The following GTF2IRD2B variants were observed in gnomAD, a reference collection of about 807,000 sequenced individuals.
GTF2IRD2B encodes the protein GTF2I repeat domain containing 2B.
GTF2IRD2B carries 10 observed loss-of-function variants against 55.6 expected under a neutral mutation model. The ratio of observed to expected loss-of-function variants is 0.18; its 90% CI spans 0.11 to 0.31. The LOEUF (loss-of-function observed/expected upper bound fraction) is 0.31, where lower values mean the gene tolerates loss of function less well. Ranked by LOEUF, GTF2IRD2B falls within the 10% of genes least tolerant of loss-of-function variation. The pLI, the probability that GTF2IRD2B is intolerant of heterozygous loss-of-function variation, is 1.00. For missense variants in GTF2IRD2B, 206 were observed against 802.7 expected (o/e 0.26, Z 8.98); for synonymous variants, 107 against 320.5 (o/e 0.33, Z 7.12).
chr7:75,127,036 A>T (rs1260271745), intron 8 of GTF2IRD2B, among the ~76,000 whole-genome samples: 1 of 150,386 alleles, frequency 6.6e-6, no homozygotes, highest in Non-Finnish European at 1.5e-5. Context: ...AAAAAAACAA[A>T]AAAAAGAACC....
At chr7:75,127,020 AAAAC>A (rs1469270947) in intron 8 of GTF2IRD2B, among the ~76,000 whole-genome samples, 21 of 96,710 alleles carry the variant, frequency 2.2e-4, no homozygotes, top group African/African-American at 4.9e-4. Flanking sequence ...AACAAAAACA[AAAAC>A]AAAAAAAACA....
At position 75,102,247 on chromosome 7, in the gene GTF2IRD2B, C is replaced by T. The variant is rs1183058460; in HGVS notation, c.-5-6713C>T. 1.4e-4 allele frequency among the ~76,000 whole-genome samples: 21 copies of T among 151,396 alleles called. 1 individual carries two copies. In the East Asian group the frequency reaches 2.5e-3, roughly 18 times the overall value. On this transcript the variant is annotated intron_variant, in intron 1 of 15. Transcript: ENST00000472837. ...CGATCTCTTGACCTTGTGATCCGTCCGCCTCGGCCTCCCAAAGTGCTGGGA... is the reference window on the plus strand; with the variant it reads ...CGATCTCTTGACCTTGTGATCCGTCTGCCTCGGCCTCCCAAAGTGCTGGGA...
chr7:75,101,487 C>T (rs1440723353), intron 1 of GTF2IRD2B, among the ~76,000 whole-genome samples: 1 of 151,100 alleles, frequency 6.6e-6, no homozygotes, highest in Non-Finnish European at 1.5e-5. Context: ...ATTGCTTGAG[C>T]CCAGGAGGTC....
chr7:75,092,742 C>G lies in GTF2IRD2B; in HGVS notation c.-29C>G, dbSNP rs1807283032. ...CCCAGGCCTCGGACTCCGCGGCCGG[C>G]CCGGCGCGGCCCAGCGCCCTCAGGT... On this transcript the variant is annotated 5_prime_UTR_variant, in exon 1 of 16. Coordinates refer to ENST00000472837, the MANE Select transcript of GTF2IRD2B (RefSeq NM_001003795.3). 4 of 153,014 alleles carry G rather than the reference C, an allele frequency of 2.6e-5. No homozygotes were observed. In the East Asian group the frequency reaches 5.8e-4, roughly 22 times the overall value. 9.5% of individuals were successfully genotyped at this position (153,014 alleles called of 1,614,324 possible). A position where few individuals can be genotyped will look rare whatever the true frequency, so the allele number is the denominator to read the frequency against.
intron 1 of GTF2IRD2B, among the ~76,000 whole-genome samples, chr7:75,100,289 C>CA (rs67679444): frequency 1.6e-4 from 17 of 104,052 alleles, no homozygotes; most frequent in African/African-American, 5.6e-4. Context: ...TTATTTAAAA[C>CA]TTTTTTTTTT....
chr7:75,127,486 A>T (rs1808560069), intron 8 of GTF2IRD2B, among the ~76,000 whole-genome samples: 1 of 149,334 alleles, frequency 6.7e-6, no homozygotes, highest in Admixed American at 6.7e-5. Flanking sequence ...AAAAAAAAAA[A>T]AAAAAAGAGA....
At chr7:75,093,020 AT>A (rs1482437298) in intron 1 of GTF2IRD2B, among the ~76,000 whole-genome samples, 2 of 152,306 alleles carry the variant, frequency 1.3e-5, no homozygotes, top group Non-Finnish European at 2.9e-5. Context: ...CGGAGCGCAC[AT>A]CCCTCTCCTT....
At chr7:75,132,101 C>T (rs1443093941) in intron 8 of GTF2IRD2B, among the ~76,000 whole-genome samples, 3 of 145,622 alleles carry the variant, frequency 2.1e-5, no homozygotes, top group Non-Finnish European at 4.4e-5. Flanking sequence ...GGCACGGTGG[C>T]TTATGCCTGT....
chr7:75,117,520 C>T (rs75494938), intron 3 of GTF2IRD2B, among the ~76,000 whole-genome samples: 2 of 152,300 alleles, frequency 1.3e-5, no homozygotes, highest in African/African-American at 2.4e-5. Flanking sequence ...AGTGACACCC[C>T]CACCACACAC....
intron 6 of GTF2IRD2B, chr7:75,123,763 A>G (rs1438060759): frequency 3.2e-5 from 18 of 560,230 alleles, no homozygotes; most frequent in Admixed American, 1.0e-4. Flanking sequence ...CTGTAGTCCC[A>G]GCTACTCGGG....
At chr7:75,120,777 T>C (rs1554451841) in intron 3 of GTF2IRD2B, 114 bp from the exon 4 acceptor site, 1 of 1,536,740 alleles carries the variant, frequency 6.5e-7, no homozygotes. Context: ...TAAAAGATCT[T>C]GTTTTATATT....
chr7:75,113,896 A>G (rs1166192168), intron 3 of GTF2IRD2B, among the ~76,000 whole-genome samples: 2 of 148,820 alleles, frequency 1.3e-5, no homozygotes, highest in African/African-American at 2.5e-5. Flanking sequence ...GTGTGTGTAT[A>G]AGTAGATTAG....
intron 1 of GTF2IRD2B, among the ~76,000 whole-genome samples, chr7:75,096,325 G>C (rs1435300786): frequency 3.0e-4 from 2 of 6,580 alleles, no homozygotes; most frequent in African/African-American, 3.1e-3. Context: ...GCACAATCAC[G>C]TCCTGCTGCA....
chr7:75,121,448 G>A (rs1342229514), intron 4 of GTF2IRD2B, among the ~76,000 whole-genome samples: 1 of 151,678 alleles, frequency 6.6e-6, no homozygotes, highest in South Asian at 2.1e-4. Flanking sequence ...CTTATCAAGC[G>A]AGGAGCTAGT....
Position 75,149,595 on chromosome 7 carries a change from C to T in GTF2IRD2B, c.*298C>T. On this transcript the variant is annotated 3_prime_UTR_variant, in exon 16 of 16. Coordinates refer to ENST00000472837, the MANE Select transcript of GTF2IRD2B (RefSeq NM_001003795.3). Reference sequence around the variant, plus strand: ...GTTTCACCATGTTGGCCAGGCTGGTCTCCAACTCCTGACCTCAGGTGATCC... The same window carrying T: ...GTTTCACCATGTTGGCCAGGCTGGTTTCCAACTCCTGACCTCAGGTGATCC... 1 of 367,090 alleles carries T rather than the reference C, an allele frequency of 2.7e-6. No homozygotes were observed. The highest frequency in any genetic ancestry group is 6.6e-5 in the East Asian group (1 of 15,138). 22.7% of individuals were successfully genotyped at this position (367,090 alleles called of 1,614,324 possible).
At chr7:75,126,865 T>G (rs1808526907) in intron 8 of GTF2IRD2B, among the ~76,000 whole-genome samples, 1 of 150,150 alleles carries the variant, frequency 6.7e-6, no homozygotes, top group African/African-American at 2.4e-5. Flanking sequence ...GGCATGGTCG[T>G]GTGCGCCTGT....
At chr7:75,103,212 G>C (rs1807639179) in intron 1 of GTF2IRD2B, among the ~76,000 whole-genome samples, 1 of 152,040 alleles carries the variant, frequency 6.6e-6, no homozygotes, top group African/African-American at 2.4e-5. Context: ...CTGGGAGGTA[G>C]AGGTTGCAGT....
Position 75,149,325 on chromosome 7 carries a change from A to G in GTF2IRD2B, c.*28A>G, listed in dbSNP as rs782368657. ...GAGAGAAAACTCCTGGCAGGGCCCT[A>G]TGGTGGGAAAGGCTGGAGTCTTCTA... On this transcript the variant is annotated 3_prime_UTR_variant, in exon 16 of 16. Coordinates refer to ENST00000472837, the MANE Select transcript of GTF2IRD2B (RefSeq NM_001003795.3). 80 of 749,946 alleles carry G rather than the reference A, an allele frequency of 1.1e-4. No individual in the cohort carries two copies. The highest frequency in any genetic ancestry group is 7.5e-4 in the Admixed American group (38 of 50,572). The allele number at this position is 749,946 out of a possible 1,614,324, so 46.5% of individuals were successfully genotyped here.
chr7:75,145,783 C>A (rs1554533252), intron 15 of GTF2IRD2B, among the ~76,000 whole-genome samples: 1 of 140,766 alleles, frequency 7.1e-6, no homozygotes, highest in Non-Finnish European at 1.5e-5. Flanking sequence ...TAAAATGCTC[C>A]ATTTTTATTC....
Sources: gnomAD v4.1 joint callset for allele counts (sites outside exome capture counted in the v4.1 genomes callset) on GRCh38, gnomAD v4.1.1 for gene constraint, MANE v1.5 for transcripts, NCBI Gene and HGNC (gene_info 2026-07-23, HGNC 2026-07-21) for gene names.